EVI5: variants seen among roughly 807,000 people sequenced by gnomAD.
EVI5 encodes ecotropic viral integration site 5.
Under a neutral mutation model 112.0 loss-of-function variants are expected in EVI5, and 73 were observed. The ratio of observed to expected loss-of-function variants is 0.65; its 90% CI spans 0.54 to 0.79. EVI5 has a LOEUF of 0.79. EVI5 is among the 30% of genes least tolerant of loss of function. The probability of loss-of-function intolerance (pLI) is 0.00; values close to 1 mark genes in which losing one functional copy is unlikely to be tolerated. For synonymous variants in EVI5, 305 were observed against 319.9 expected, an observed-to-expected ratio of 0.95 and a Z score of 0.50; for missense variants, 900 against 968.8, an observed-to-expected ratio of 0.93 and a Z score of 0.94.
intron 9 of EVI5, among the ~76,000 whole-genome samples, chr1:92,685,829 C>G (rs575004770): frequency 1.3e-5 from 2 of 152,140 alleles, no homozygotes; most frequent in Admixed American, 1.3e-4. Flanking sequence ...AACATACACC[C>G]TCCCAAGACT....
At chr1:92,717,856 C>A (rs1259540028) in intron 2 of EVI5, among the ~76,000 whole-genome samples, 1 of 151,280 alleles carries the variant, frequency 6.6e-6, no homozygotes, top group Non-Finnish European at 1.5e-5. Flanking sequence ...GAAGATCTAC[C>A]AAGCAATTGG....
intron 1 of EVI5, among the ~76,000 whole-genome samples, chr1:92,757,907 C>A (rs1205471601): frequency 8.5e-4 from 60 of 70,278 alleles, no homozygotes; most frequent in Non-Finnish European, 1.3e-3. Flanking sequence ...GACTCTGCCT[C>A]AAAAAAAAAA....
rs192052417 is a variant in EVI5 at position 92,561,119 on chromosome 1, C to A, written c.2166+2523G>T. ...TTTCTTTTGCGTTGGCTGCTAAAAGCCTTAGAGCCAAATCTGAGGCCCACT... is the reference window on the plus strand; with the variant it reads ...TTTCTTTTGCGTTGGCTGCTAAAAGACTTAGAGCCAAATCTGAGGCCCACT... On this transcript the variant is annotated intron_variant, in intron 19 of 19. Transcript: ENST00000684568. Among the ~76,000 whole-genome samples, 25 of 152,212 alleles carry A rather than the reference C, an allele frequency of 1.6e-4. No homozygotes were observed. The East Asian group carries it at 4.8e-3, about 29-fold the overall frequency.
chr1:92,739,211 T>C (rs12563229), intron 1 of EVI5, among the ~76,000 whole-genome samples: 3,731 of 128,600 alleles, frequency 0.029, 140 homozygotes, highest in African/African-American at 0.092. Context: ...AGGCAGAGGT[T>C]GCAATGCACC....
At chr1:92,696,767 G>A (rs889130080) in intron 6 of EVI5, among the ~76,000 whole-genome samples, 3 of 151,876 alleles carry the variant, frequency 2.0e-5, no homozygotes, top group Non-Finnish European at 2.9e-5. Flanking sequence ...CAGGCACAGC[G>A]GTGGCTCACG....
intron 18 of EVI5, among the ~76,000 whole-genome samples, chr1:92,571,416 A>G (rs1026003019): frequency 6.6e-6 from 1 of 152,038 alleles, no homozygotes; most frequent in Admixed American, 6.6e-5. Flanking sequence ...TATAGCTGAC[A>G]TTCCAAAAAC....
chr1:92,580,200 T>A (rs1671720270), intron 18 of EVI5, among the ~76,000 whole-genome samples: 1 of 152,196 alleles, frequency 6.6e-6, no homozygotes, highest in South Asian at 2.1e-4. Context: ...TAGAAGTTTG[T>A]CCATTTTAGA....
At chr1:92,610,730 T>C (rs1651573125) in intron 16 of EVI5, among the ~76,000 whole-genome samples, 1 of 152,034 alleles carries the variant, frequency 6.6e-6, no homozygotes, top group Non-Finnish European at 1.5e-5. Context: ...AAGAGGTTAT[T>C]AGACACAGAA....
In EVI5 at chr1:92,591,972, G is replaced by A. The variant is rs184900662; in HGVS notation, c.2070+13335C>T. Among the ~76,000 whole-genome samples the A allele has an allele frequency of 2.4e-3, 367 of 152,276 alleles. 1 individual carries two copies. The highest frequency in any genetic ancestry group is 2.2e-3 in the Non-Finnish European group (148 of 68,012). The stretch of plus-strand genomic sequence containing the variant: ...TAAGAAACTCACTCAAGCCGGGCGC[G>A]GTGGCTCACGCTTGTAATCCCAGCA... On this transcript the variant is annotated intron_variant, in intron 18 of 19. Coordinates refer to ENST00000684568, the MANE Select transcript of EVI5 (RefSeq NM_001350197.2).
In EVI5 at chr1:92,783,822, AAAAAG is replaced by A. The variant is rs1171576864; in HGVS notation, c.-82+1009_-82+1013del. Among the ~76,000 whole-genome samples, 464 of 126,786 alleles carry A rather than the reference AAAAAG, an allele frequency of 3.7e-3. 10 individuals carry two copies. The highest frequency in any genetic ancestry group is 6.0e-3 in the Non-Finnish European group (316 of 52,448). The allele number at this position is 126,786 out of a possible 152,430, so 83.2% of individuals were successfully genotyped here. A position where few individuals can be genotyped will look rare whatever the true frequency, so the allele number is the denominator to read the frequency against. On this transcript the variant is annotated intron_variant, in intron 1 of 19. Transcript: ENST00000684568. ...AGACTCCCTGTCAAAAAAAAAAAAA[AAAAAG>A]AAAAGAAAAGAAAAAGAAAAAGAGC...
chr1:92,533,804 C>A (rs6660962), intron 19 of EVI5, among the ~76,000 whole-genome samples: 93,165 of 151,880 alleles, frequency 0.61, 29,396 homozygotes, highest in East Asian at 0.92. Context: ...CTATTTATGA[C>A]AAACCCACAG....
At chr1:92,695,573 G>A (rs1670190599) in intron 6 of EVI5, 120 bp from the exon 7 acceptor site, 1 of 554,804 alleles carries the variant, frequency 1.8e-6, no homozygotes, top group South Asian at 3.9e-5. Context: ...TATGGAAAAG[G>A]TAAGACATAG....
intron 1 of EVI5, among the ~76,000 whole-genome samples, chr1:92,760,867 T>C (rs1195959533): frequency 2.0e-5 from 3 of 151,884 alleles, no homozygotes; most frequent in Admixed American, 2.0e-4. Flanking sequence ...CCATCCTGGC[T>C]AATACGGTGA....
At position 92,704,656 on chromosome 1, in the gene EVI5, A is replaced by G; in HGVS notation, c.238T>C (p.Ser80Pro). ...TCTTCAAGGTGACTGAGGTTGCTAG[A>G]GGCTGATGAACTCGACACAAGAGAA... ...GSSLVSSSSASSNLSHLEEDS... is the reference protein window; with the variant it reads ...GSSLVSSSSAPSNLSHLEEDS... Residue 80 changes from serine to proline, a missense_variant, in exon 3 of 20, where the codon TCT becomes CCT. Ser to Pro is a moderately conservative substitution (Grantham distance 74, BLOSUM62 -1). Coordinates refer to ENST00000684568, the MANE Select transcript of EVI5 (RefSeq NM_001350197.2). 6.2e-7 allele frequency: 1 copy of G among 1,605,284 alleles called. No homozygotes were observed. The highest frequency in any genetic ancestry group is 8.5e-7 in the Non-Finnish European group (1 of 1,174,200).
intron 19 of EVI5, among the ~76,000 whole-genome samples, chr1:92,532,403 A>G (rs1000956596): frequency 1.3e-5 from 2 of 152,196 alleles, no homozygotes; most frequent in African/African-American, 4.8e-5. Flanking sequence ...AAGGATATCC[A>G]GGGCTTAAAA....
chr1:92,520,934 C>A (rs1660811756), intron 19 of EVI5, among the ~76,000 whole-genome samples: 1 of 147,030 alleles, frequency 6.8e-6, no homozygotes, highest in African/African-American at 2.5e-5. Context: ...CTTTGGCCTG[C>A]AAAAAGCACG....
Position 92,702,384 on chromosome 1 carries a change from T to C in EVI5, c.565-169A>G, listed in dbSNP as rs555265346. On this transcript the variant is annotated intron_variant, in intron 4 of 19. Transcript: ENST00000684568. ...ATACATATTTAAAAAGCAAATGTTTTATTACATGAAATTTTATTTTGACAA... is the reference window on the plus strand; with the variant it reads ...ATACATATTTAAAAAGCAAATGTTTCATTACATGAAATTTTATTTTGACAA... Among the ~76,000 whole-genome samples the C allele has an allele frequency of 6.6e-5, 10 of 151,952 alleles. No homozygotes were observed. The East Asian group carries it at 1.9e-3, about 29-fold the overall frequency.
At chr1:92,608,733 G>T (rs7536315) in intron 16 of EVI5, among the ~76,000 whole-genome samples, 1,923 of 151,424 alleles carry the variant, frequency 0.013, 48 homozygotes, top group African/African-American at 0.044. Flanking sequence ...AAAAAAAAAG[G>T]TACCATCACT....
At chr1:92,760,699 A>G (rs1399884754) in intron 1 of EVI5, among the ~76,000 whole-genome samples, 1 of 146,138 alleles carries the variant, frequency 6.8e-6, no homozygotes, top group Non-Finnish European at 1.5e-5. Flanking sequence ...GCGCCACAGC[A>G]CTCCAGCCTG....
Sources: gnomAD v4.1 joint callset for allele counts (sites outside exome capture counted in the v4.1 genomes callset) on GRCh38, gnomAD v4.1.1 for gene constraint, MANE v1.5 for transcripts, NCBI Gene and HGNC (gene_info 2026-07-23, HGNC 2026-07-21) for gene names.